ARHGAP42: variants seen among roughly 807,000 people sequenced by gnomAD.
The protein encoded by ARHGAP42 is Rho GTPase activating protein 42, also known as rho GTPase-activating protein 42.
A neutral mutation model predicts 125.0 loss-of-function variants in ARHGAP42; 63 were observed. The observed-to-expected ratio is 0.50, with a 90% CI of 0.41 to 0.62. The LOEUF (loss-of-function observed/expected upper bound fraction) is 0.62, where lower values mean the gene tolerates loss of function less well. Ranked by LOEUF, ARHGAP42 falls within the 20% of genes least tolerant of loss-of-function variation. ARHGAP42 has a pLI of 0.00. For missense variants in ARHGAP42, 766 were observed against 1,024.2 expected, an observed-to-expected ratio of 0.75 and a Z score of 3.44; for synonymous variants, 339 against 351.0, an observed-to-expected ratio of 0.97 and a Z score of 0.38.
chr11:100,868,426 C>CT (rs1490927335), intron 4 of ARHGAP42, among the ~76,000 whole-genome samples: 1 of 152,160 alleles, frequency 6.6e-6, no homozygotes, highest in Non-Finnish European at 1.5e-5. Flanking sequence ...AAGCACTTTA[C>CT]TTGTAAACTT....
chr11:100,962,779 G>A (rs549106704), intron 16 of ARHGAP42, among the ~76,000 whole-genome samples: 1 of 152,204 alleles, frequency 6.6e-6, no homozygotes, highest in Admixed American at 6.5e-5. Flanking sequence ...GGGAAGCTGA[G>A]GCAGGAGGAT....
intron 16 of ARHGAP42, among the ~76,000 whole-genome samples, chr11:100,963,117 A>T (rs1591325471): frequency 6.6e-6 from 1 of 152,316 alleles, no homozygotes; most frequent in East Asian, 1.9e-4. Context: ...CGTACAGACG[A>T]TTATGTCCCT....
chr11:100,925,735 C>G (rs1165534088), intron 6 of ARHGAP42, among the ~76,000 whole-genome samples: 1 of 152,036 alleles, frequency 6.6e-6, no homozygotes, highest in Admixed American at 6.6e-5. Flanking sequence ...GAGACTCTGT[C>G]TCAAAAAAAT....
In ARHGAP42 at chr11:100,993,886, A is replaced by G. The variant is rs1021974476; in HGVS notation, c.*5085A>G. 1 of 167,084 alleles carries G rather than the reference A, an allele frequency of 6.0e-6. No homozygotes were observed. Among genetic ancestry groups the G allele is most frequent in the Non-Finnish European group, 1.5e-5 (1 of 68,126 alleles). The allele number at this position is 167,084 out of a possible 1,614,324, so 10.4% of individuals were successfully genotyped here. A position where few individuals can be genotyped will look rare whatever the true frequency, so the allele number is the denominator to read the frequency against. The stretch of plus-strand genomic sequence containing the variant: ...TAAATTGCCACAATATTTTTAATGT[A>G]TGGTTACACTGTGTTTTAAATTACT... On this transcript the variant is annotated 3_prime_UTR_variant, in exon 24 of 24. Coordinates refer to ENST00000298815, the MANE Select transcript of ARHGAP42 (RefSeq NM_152432.4).
intron 9 of ARHGAP42, among the ~76,000 whole-genome samples, chr11:100,943,257 AC>A (rs1156463579): frequency 6.6e-6 from 1 of 151,992 alleles, no homozygotes; most frequent in African/African-American, 2.4e-5. Context: ...ATATACTGGA[AC>A]TATATTATTT....
rs150944612 is a variant in ARHGAP42 at position 100,862,596 on chromosome 11, G to A, written c.384+2971G>A. Among the ~76,000 whole-genome samples the A allele has an allele frequency of 5.3e-3, 805 of 152,204 alleles. 6 individuals are homozygous for A. The highest frequency in any genetic ancestry group is 8.3e-3 in the Non-Finnish European group (565 of 68,012). On this transcript the variant is annotated intron_variant, in intron 4 of 23. Coordinates refer to ENST00000298815, the MANE Select transcript of ARHGAP42 (RefSeq NM_152432.4). ...GTTAAATTTGTGATGAAATGAAGCCGGTCTTGAGCATTAATATTATTGCAT... is the reference window on the plus strand; with the variant it reads ...GTTAAATTTGTGATGAAATGAAGCCAGTCTTGAGCATTAATATTATTGCAT...
intron 6 of ARHGAP42, among the ~76,000 whole-genome samples, chr11:100,929,264 T>A (rs1867510950): frequency 6.6e-6 from 1 of 152,170 alleles, no homozygotes; most frequent in Non-Finnish European, 1.5e-5. Context: ...TATGAGAATC[T>A]AATGCCAGCA....
chr11:100,932,124 A>G (rs534421981), intron 6 of ARHGAP42, among the ~76,000 whole-genome samples: 122 of 152,292 alleles, frequency 8.0e-4, no homozygotes, highest in African/African-American at 2.8e-3. Context: ...CATTGTTTTC[A>G]GATAGAACCA....
At chr11:100,810,071 G>A (rs1236569674) in intron 3 of ARHGAP42, among the ~76,000 whole-genome samples, 1 of 149,426 alleles carries the variant, frequency 6.7e-6, no homozygotes, top group Non-Finnish European at 1.5e-5. Flanking sequence ...AGATAAATAA[G>A]AGAGGTTAGC....
intron 10 of ARHGAP42, among the ~76,000 whole-genome samples, chr11:100,944,564 A>G (rs1401176741): frequency 1.3e-5 from 2 of 151,964 alleles, no homozygotes; most frequent in African/African-American, 4.8e-5. Flanking sequence ...ACTACAGCCT[A>G]TAGCTACAGG....
rs1015536754 is a variant in ARHGAP42 at position 100,943,736 on chromosome 11, C to A, written c.934-23C>A. ...CAATTCACTTGTCAGCATGTTAATA[C>A]TGTGGTACTCTTCTTGTTTCAGAAT... On this transcript the variant is annotated intron_variant, in intron 9 of 23. Transcript: ENST00000298815. 3.5e-6 allele frequency: 5 copies of A among 1,443,264 alleles called. No homozygotes were observed. The African/African-American group carries it at 5.7e-5, about 16-fold the overall frequency. The allele number at this position is 1,443,264 out of a possible 1,614,324, so 89.4% of individuals were successfully genotyped here.
At position 100,985,947 on chromosome 11, in the gene ARHGAP42, C is replaced by A. The variant is rs114718991; in HGVS notation, c.2457-1566C>A. ...GAGCTGTGGATGCAAATGCTGCTGA[C>A]GCTGCTTTGCAGGTATAGTGCTGGG... On this transcript the variant is annotated intron_variant, in intron 22 of 23. Coordinates refer to ENST00000298815, the MANE Select transcript of ARHGAP42 (RefSeq NM_152432.4). 1.8e-3 allele frequency: 755 copies of A among 420,366 alleles called. 5 individuals are homozygous for A. The highest frequency in any genetic ancestry group is 0.012 in the African/African-American group (594 of 48,468). The allele number at this position is 420,366 out of a possible 1,614,324, so 26.0% of individuals were successfully genotyped here.
At chr11:100,800,460 AAGCTGAGCTCAG>A (rs1407007952) in intron 3 of ARHGAP42, among the ~76,000 whole-genome samples, 2 of 152,134 alleles carry the variant, frequency 1.3e-5, no homozygotes, top group Non-Finnish European at 2.9e-5. Context: ...GGAATCCAGA[AAGCTGAGCTCAG>A]AGATTTGGAT....
intron 3 of ARHGAP42, 106 bp from the exon 4 acceptor site, chr11:100,859,448 A>G (rs1041496712): frequency 1.1e-6 from 1 of 948,880 alleles, no homozygotes; most frequent in Non-Finnish European, 1.5e-6. Context: ...AGATGCAAAC[A>G]AAAACAAAAA....
intron 3 of ARHGAP42, among the ~76,000 whole-genome samples, chr11:100,797,055 C>G (rs971890421): frequency 1.3e-5 from 2 of 152,220 alleles, no homozygotes; most frequent in African/African-American, 4.8e-5. Flanking sequence ...GCGTGAGCCA[C>G]TGCATCCAGC....
chr11:100,688,667 A>G (rs1234622430), intron 1 of ARHGAP42, among the ~76,000 whole-genome samples: 1 of 152,220 alleles, frequency 6.6e-6, no homozygotes, highest in African/African-American at 2.4e-5. Flanking sequence ...ATTGAGCACA[A>G]TTACATGATA....
rs1858461309 is a variant in ARHGAP42 at position 100,978,962 on chromosome 11, AC to A, written c.2394-24del. The stretch of plus-strand genomic sequence containing the variant: ...AACTGAATGTGATTGACTTCATGAA[AC>A]TTGCATTTTAAATCATTTTTCAGAG... On this transcript the variant is annotated intron_variant, in intron 21 of 23. Coordinates refer to ENST00000298815, the MANE Select transcript of ARHGAP42 (RefSeq NM_152432.4). 1.3e-5 allele frequency: 20 copies of A among 1,550,890 alleles called. No individual in the cohort carries two copies. The East Asian group carries it at 4.9e-4, about 38-fold the overall frequency.
intron 9 of ARHGAP42, among the ~76,000 whole-genome samples, chr11:100,942,320 T>C (rs1357640544): frequency 6.6e-6 from 1 of 152,160 alleles, no homozygotes; most frequent in Non-Finnish European, 1.5e-5. Flanking sequence ...TGCATACTGT[T>C]AACCAAAATG....
intron 4 of ARHGAP42, among the ~76,000 whole-genome samples, chr11:100,873,106 T>C (rs1865734214): frequency 6.6e-6 from 1 of 152,124 alleles, no homozygotes; most frequent in African/African-American, 2.4e-5. Context: ...CTGGTGGAAA[T>C]TCTCCAGTCA....
Sources: allele counts gnomAD v4.1 joint callset (sites outside exome capture counted in the v4.1 genomes callset), GRCh38; gene constraint gnomAD v4.1.1; transcripts MANE v1.5; gene names NCBI Gene and HGNC (gene_info 2026-07-23, HGNC 2026-07-21).